APELA: variants seen among roughly 807,000 people sequenced by gnomAD.
APELA encodes the protein protein Elabela.
intron 1 of APELA, 66 bp from the exon 2 acceptor site, chr4:164,878,854 T>C (rs1462677474): frequency 2.5e-6 from 1 of 398,534 alleles, no homozygotes; most frequent in Non-Finnish European, 4.4e-6. Flanking sequence ...ATGTTTGCAT[T>C]GTCTAGATTA....
At chr4:164,894,372 A>C (rs1353915194) in intron 2 of APELA, among the ~76,000 whole-genome samples, 1 of 152,092 alleles carries the variant, frequency 6.6e-6, no homozygotes, top group African/African-American at 2.4e-5. Context: ...TATTTTTTAC[A>C]AAACACACAC....
chr4:164,881,872 CAAAAAAA>C (rs11340116), intron 2 of APELA, among the ~76,000 whole-genome samples: 1 of 139,828 alleles, frequency 7.2e-6, no homozygotes, highest in African/African-American at 2.6e-5. Context: ...TTGTCTCTAC[CAAAAAAA>C]AAAAAAAAAG....
At chr4:164,881,873 A>C (rs1190180702) in intron 2 of APELA, among the ~76,000 whole-genome samples, 1 of 20,352 alleles carries the variant, frequency 4.9e-5, no homozygotes, top group Admixed American at 3.6e-4. Flanking sequence ...TGTCTCTACC[A>C]AAAAAAAAAA....
chr4:164,882,829 G>A (rs910611579), intron 2 of APELA, among the ~76,000 whole-genome samples: 2 of 151,900 alleles, frequency 1.3e-5, no homozygotes, highest in African/African-American at 4.8e-5. Flanking sequence ...TCCCACCTGT[G>A]AGAACATGCG....
At chr4:164,882,213 C>T (rs750447044) in intron 2 of APELA, among the ~76,000 whole-genome samples, 22 of 152,098 alleles carry the variant, frequency 1.4e-4, no homozygotes, top group Non-Finnish European at 3.1e-4. Context: ...TAGCGATTCT[C>T]CTGCCTCAGC....
intron 2 of APELA, among the ~76,000 whole-genome samples, chr4:164,883,932 GAC>G (rs1483582554): frequency 7.7e-6 from 1 of 129,452 alleles, no homozygotes; most frequent in African/African-American, 3.0e-5. Context: ...AAAAAAAAAA[GAC>G]AGAAAGACGA....
At chr4:164,878,861 A>G in intron 1 of APELA, 59 bp from the exon 2 acceptor site, 2 of 398,774 alleles carry the variant, frequency 5.0e-6, no homozygotes, top group East Asian at 3.6e-5. Context: ...CATTGTCTAG[A>G]TTAAACAACA....
At chr4:164,879,665 G>A (rs113236576) in intron 2 of APELA, among the ~76,000 whole-genome samples, 13,478 of 152,172 alleles carry the variant, frequency 0.089, 673 homozygotes, top group Middle Eastern at 0.14. Flanking sequence ...GGCTGGTCTC[G>A]AACTCCTAGC....
intron 2 of APELA, among the ~76,000 whole-genome samples, chr4:164,890,257 T>A (rs1412802611): frequency 1.3e-5 from 2 of 152,226 alleles, no homozygotes; most frequent in Non-Finnish European, 2.9e-5. Flanking sequence ...TTATCATTTA[T>A]ACACCCGACA....
intron 2 of APELA, 160 bp downstream of exon 2, chr4:164,879,169 C>G: frequency 2.5e-6 from 1 of 392,376 alleles, no homozygotes; most frequent in African/African-American, 2.1e-5. Context: ...AAATGAATGA[C>G]ATGACTTTTG....
rs1225247086 is a variant in APELA, at chr4:164,895,986, T to C, written c.*572T>C. On this transcript the variant is annotated 3_prime_UTR_variant, in exon 3 of 3. Coordinates refer to ENST00000507152, the MANE Select transcript of APELA (RefSeq NM_001297550.2). The stretch of plus-strand genomic sequence containing the variant: ...TTGCTACCAATTTTATGATAAGCTT[T>C]AAGGTTTATGAAAGTATGTTTTTTT... 1 of 152,228 alleles carries C rather than the reference T, an allele frequency of 6.6e-6. No individual in the cohort carries two copies. Among genetic ancestry groups the C allele is most frequent in the Non-Finnish European group, 1.5e-5 (1 of 68,040 alleles). 9.4% of individuals were successfully genotyped at this position (152,228 alleles called of 1,614,324 possible).
chr4:164,888,326 T>C (rs1286571473), intron 2 of APELA, among the ~76,000 whole-genome samples: 1 of 152,200 alleles, frequency 6.6e-6, no homozygotes, highest in Non-Finnish European at 1.5e-5. Context: ...AAAGCTTCAT[T>C]GTGAGAAACA....
At chr4:164,885,765 GA>G (rs1189736008) in intron 2 of APELA, among the ~76,000 whole-genome samples, 1 of 151,834 alleles carries the variant, frequency 6.6e-6, no homozygotes, top group Non-Finnish European at 1.5e-5. Flanking sequence ...GAAATGAAAT[GA>G]AGCTTTTATT....
rs1730605711 is a variant in APELA, at chr4:164,878,914, C to A, written c.77-6C>A. The A allele has an allele frequency of 2.5e-6, 1 of 398,704 alleles. No individual in the cohort carries two copies. The highest frequency in any genetic ancestry group is 2.1e-5 in the African/African-American group (1 of 48,592). The allele number at this position is 398,704 out of a possible 1,614,324, so 24.7% of individuals were successfully genotyped here. On this transcript the variant is annotated splice_region_variant and splice_polypyrimidine_tract_variant and intron_variant, in intron 1 of 2. Transcript: ENST00000507152. Reference sequence around the variant, plus strand: ...TGCTCCTAATACTTCTCTCTTTTTCCTTCAGTTAATTTGACCATGAGAAGA... The same window carrying A: ...TGCTCCTAATACTTCTCTCTTTTTCATTCAGTTAATTTGACCATGAGAAGA...
chr4:164,885,928 C>G (rs1009045933), intron 2 of APELA, among the ~76,000 whole-genome samples: 1 of 152,120 alleles, frequency 6.6e-6, no homozygotes, highest in African/African-American at 2.4e-5. Flanking sequence ...TTTCTTCTCT[C>G]ATCAAGTCCA....
chr4:164,884,071 GAGAA>G (rs751223311), intron 2 of APELA, among the ~76,000 whole-genome samples: 3 of 119,646 alleles, frequency 2.5e-5, no homozygotes, highest in African/African-American at 6.9e-5. Context: ...GAAAGAAGGA[GAGAA>G]AGAAAGAAGG....
At chr4:164,882,970 T>G (rs1730690709) in intron 2 of APELA, among the ~76,000 whole-genome samples, 1 of 152,190 alleles carries the variant, frequency 6.6e-6, no homozygotes, top group Admixed American at 6.5e-5. Flanking sequence ...AATACATTAT[T>G]TTTAATTGAG....
chr4:164,888,836 G>T (rs1392294113), intron 2 of APELA, among the ~76,000 whole-genome samples: 1 of 152,136 alleles, frequency 6.6e-6, no homozygotes, highest in Non-Finnish European at 1.5e-5. Context: ...TTCTCTGTAA[G>T]TTTGTCAAAT....
At chr4:164,891,675 T>C (rs1264998468) in intron 2 of APELA, among the ~76,000 whole-genome samples, 2 of 152,190 alleles carry the variant, frequency 1.3e-5, no homozygotes, top group African/African-American at 4.8e-5. Context: ...TTCATTCTCA[T>C]AGGTTTTTCA....
Sources: allele counts gnomAD v4.1 joint callset (sites outside exome capture counted in the v4.1 genomes callset), GRCh38; gene constraint gnomAD v4.1.1; transcripts MANE v1.5; gene names NCBI Gene and HGNC (gene_info 2026-07-23, HGNC 2026-07-21).